Variants in ARSI observed in about 807,000 individuals in gnomAD.
The protein encoded by ARSI is arylsulfatase I.
Under a neutral mutation model 42.1 loss-of-function variants are expected in ARSI, and 37 were observed. That is an observed-to-expected ratio of 0.88 (90% CI 0.68 to 1.16). The LOEUF is 1.16. Among genes scored for constraint, ARSI ranks in the 50% most tolerant of loss-of-function variants. ARSI has a pLI of 0.00. For synonymous variants in ARSI, 305 were observed against 320.3 expected, an observed-to-expected ratio of 0.95 and a Z score of 0.51; for missense variants, 725 against 790.1, an observed-to-expected ratio of 0.92 and a Z score of 0.99.
At position 150,296,990 on chromosome 5, in the gene ARSI, G is replaced by T. The variant is rs923024480; in HGVS notation, c.*224C>A. The T allele has an allele frequency of 2.4e-5, 11 of 457,840 alleles. No homozygotes were observed. Among genetic ancestry groups the T allele is most frequent in the Non-Finnish European group, 4.2e-5 (11 of 263,702 alleles). 28.4% of individuals were successfully genotyped at this position (457,840 alleles called of 1,614,324 possible). Reference sequence around the variant, plus strand: ...CTAAAAGCTCATGTGGGTCACCTGAGGTCACAGAGCAAGTCCGTGAGGAGG... The same window carrying T: ...CTAAAAGCTCATGTGGGTCACCTGATGTCACAGAGCAAGTCCGTGAGGAGG... On this transcript the variant is annotated 3_prime_UTR_variant, in exon 2 of 2. Coordinates refer to ENST00000328668, the MANE Select transcript of ARSI (RefSeq NM_001012301.4).
chr5:150,298,659 A>C, intron 1 of ARSI, 47 bp from the exon 2 acceptor site: 1 of 1,539,078 alleles, frequency 6.5e-7, no homozygotes, highest in Non-Finnish European at 8.8e-7. Context: ...TAAGCTACAG[A>C]CCATTGCTCT....
chr5:150,302,300 G>T lies in ARSI; in HGVS notation c.74C>A (p.Pro25Gln). The T allele has an allele frequency of 6.2e-7, 1 of 1,601,294 alleles. No individual in the cohort carries two copies. Residue 25 changes from proline (P) to glutamine (Q), a missense_variant, in exon 1 of 2, where the codon CCG (proline) becomes CAG (glutamine). By Grantham distance (76) the Pro-to-Gln change is moderately conservative. Transcript: ENST00000328668. This position sits in a 1 kb window ranked among gnomAD's most constrained non-coding sequence, Gnocchi z 6.1. ...CCCGGGCCCGTCGGCCACGAAGCTC[G>T]GCTTGGCCCAGTCCCAGGACAGGTA... is the stretch of plus-strand genomic sequence containing the variant. ...FGYLSWDWAK[P>Q]SFVADGPGEA...
At position 150,298,238 on chromosome 5, in the gene ARSI, A is replaced by T. The variant is rs1451139528; in HGVS notation, c.686T>A (p.Leu229His). Residue 229 changes from leucine (L) to histidine (H), a missense_variant, in exon 2 of 2, where the codon CTC becomes CAC. Transcript: ENST00000328668. ...TGCCTGGAAGGCCACATAGAGGAAG[A>T]GGGGACGCTGAGGGCTGTGGCTGGC... ...ILASHSPQRP[L>H]FLYVAFQAVH... 6.2e-7 allele frequency: 1 copy of T among 1,614,134 alleles called. No homozygotes were observed.
In ARSI at chr5:150,298,164, T is replaced by C. The variant is rs765851189; in HGVS notation, c.760A>G (p.Thr254Ala). 1.2e-6 allele frequency: 2 copies of C among 1,613,986 alleles called. No homozygotes were observed. The highest frequency in any genetic ancestry group is 1.7e-6 in the Non-Finnish European group (2 of 1,180,034). Residue 254 changes from threonine to alanine, a missense_variant, in exon 2 of 2, where the codon ACC becomes GCC. Physicochemically the swap from Thr to Ala is moderately conservative, Grantham distance 58. Coordinates refer to ENST00000328668, the MANE Select transcript of ARSI (RefSeq NM_001012301.4). Reference protein sequence around the residue: ...SPREYLYRYRTMGNVARRKYA... With the variant: ...SPREYLYRYRAMGNVARRKYA... ...TTCCGCCGGGCCACATTGCCCATGG[T>C]GCGGTAGCGGTACAGGTACTCACGA...
In ARSI at chr5:150,302,661, A is replaced by C. The variant is rs1371148201; in HGVS notation, c.-288T>G. On this transcript the variant is annotated 5_prime_UTR_variant, in exon 1 of 2. Transcript: ENST00000328668. The surrounding 1 kb of genome is among the most constrained non-coding windows in gnomAD (Gnocchi z 6.1). ...CCCTCTTCCCCAGCTCAGCCCGGCC[A>C]GCCTGAGACGCGGCGTGGCAGCTTC... is the stretch of plus-strand genomic sequence containing the variant. 4 of 313,188 alleles carry C rather than the reference A, an allele frequency of 1.3e-5. No individual in the cohort carries two copies. In the East Asian group the frequency reaches 1.5e-4, roughly 12 times the overall value. 19.4% of individuals were successfully genotyped at this position (313,188 alleles called of 1,614,324 possible).
At chr5:150,299,349 A>G (rs1432011900) in intron 1 of ARSI, among the ~76,000 whole-genome samples, 1 of 152,142 alleles carries the variant, frequency 6.6e-6, no homozygotes, top group African/African-American at 2.4e-5. Context: ...AGTACACACC[A>G]TCGTTTTCTT....
chr5:150,298,303 G>GT lies in ARSI; in HGVS notation c.620dup (p.Tyr207Ter). Reference protein sequence around the residue: ...ENVAWGLSGQYSTMLYAQRAS... With the variant: ...ENVAWGLSGQ ...CGCGCTGGGCATAAAGCATAGTGGA[G>GT]TACTGGCCGCTGAGCCCCCAGGCCA... is the stretch of plus-strand genomic sequence containing the variant. The change falls in exon 2 of 2, where the codon TAC becomes TAAC. Residue 207 changes from tyrosine (Y) to a stop codon, truncating the protein, a stop_gained and frameshift_variant. Transcript: ENST00000328668. LOFTEE classifies it high-confidence loss of function. The GT allele has an allele frequency of 1.2e-6, 2 of 1,613,500 alleles. No homozygotes were observed. Among genetic ancestry groups the GT allele is most frequent in the Non-Finnish European group, 1.7e-6 (2 of 1,179,806 alleles).
chr5:150,297,171 G>C lies in ARSI; in HGVS notation c.*43C>G, dbSNP rs1285339144. 1 of 1,526,534 alleles carries C rather than the reference G, an allele frequency of 6.6e-7. No homozygotes were observed. Among genetic ancestry groups the C allele is most frequent in the Non-Finnish European group, 8.8e-7 (1 of 1,137,788 alleles). 94.6% of individuals were successfully genotyped at this position (1,526,534 alleles called of 1,614,324 possible). A position where few individuals can be genotyped will look rare whatever the true frequency, so the allele number is the denominator to read the frequency against. ...TGAGAAACAGCAGGGCCAAGCCGGAGTGGGGAAGATCCTCTAAAGGACAGT... is the reference window on the plus strand; with the variant it reads ...TGAGAAACAGCAGGGCCAAGCCGGACTGGGGAAGATCCTCTAAAGGACAGT... On this transcript the variant is annotated 3_prime_UTR_variant, in exon 2 of 2. Transcript: ENST00000328668. This position sits in a 1 kb window ranked among gnomAD's most constrained non-coding sequence, Gnocchi z 7.0.
Position 150,297,577 on chromosome 5 carries a change from C to A in ARSI, c.1347G>T (p.Trp449Cys). The A allele has an allele frequency of 6.2e-7, 1 of 1,610,864 alleles. No individual in the cohort carries two copies. Among genetic ancestry groups the A allele is most frequent in the Non-Finnish European group, 8.5e-7 (1 of 1,178,768 alleles). Residue 449 changes from tryptophan to cysteine, a missense_variant, in exon 2 of 2, where the codon TGG becomes TGT. Physicochemically the swap from Trp to Cys is radical, Grantham distance 215. Transcript: ENST00000328668. The surrounding 1 kb of genome is among the most constrained non-coding windows in gnomAD (Gnocchi z 7.0). ...PQTLATFPGS[W>C]WNLERMASVR... Reference sequence around the variant, plus strand: ...CACTGGCCATTCGTTCCAGGTTCCACCAGCTACCCGGGAAGGTGGCCAGTG... The same window carrying A: ...CACTGGCCATTCGTTCCAGGTTCCAACAGCTACCCGGGAAGGTGGCCAGTG...
Position 150,297,134 on chromosome 5 carries a change from C to G in ARSI, c.*80G>C. ...CAACTCCCTGTAGATGGAGATGTGA[C>G]AGGCTTCTCCCTGAGAAACAGCAGG... On this transcript the variant is annotated 3_prime_UTR_variant, in exon 2 of 2. Coordinates refer to ENST00000328668, the MANE Select transcript of ARSI (RefSeq NM_001012301.4). The surrounding 1 kb of genome is among the most constrained non-coding windows in gnomAD (Gnocchi z 7.0). 1 of 1,437,708 alleles carries G rather than the reference C, an allele frequency of 7.0e-7. No individual in the cohort carries two copies. The highest frequency in any genetic ancestry group is 9.4e-7 in the Non-Finnish European group (1 of 1,061,714). 89.1% of individuals were successfully genotyped at this position (1,437,708 alleles called of 1,614,324 possible).
chr5:150,302,531 C>T lies in ARSI; in HGVS notation c.-158G>A, dbSNP rs1757940480. 4 of 515,714 alleles carry T rather than the reference C, an allele frequency of 7.8e-6. No individual in the cohort carries two copies. The highest frequency in any genetic ancestry group is 1.2e-5 in the Non-Finnish European group (4 of 328,570). The allele number at this position is 515,714 out of a possible 1,614,324, so 31.9% of individuals were successfully genotyped here. Reference sequence around the variant, plus strand: ...GTCTGGTCCGGGACTGGCTGCCGGACGGCTGGGCCGGATCTGCTCGGCCGC... The same window carrying T: ...GTCTGGTCCGGGACTGGCTGCCGGATGGCTGGGCCGGATCTGCTCGGCCGC... On this transcript the variant is annotated 5_prime_UTR_variant, in exon 1 of 2. Transcript: ENST00000328668. This position sits in a 1 kb window ranked among gnomAD's most constrained non-coding sequence, Gnocchi z 6.1.
Position 150,297,212 on chromosome 5 carries a change from C to T in ARSI, c.*2G>A. 1.3e-6 allele frequency: 2 copies of T among 1,553,610 alleles called. No individual in the cohort carries two copies. The highest frequency in any genetic ancestry group is 1.3e-5 in the South Asian group (1 of 79,616). ...AAAGGACAGTTTTCTCCCTCCCCAC[C>T]ATCAGATCCGTTGGGACATTAGCCT... On this transcript the variant is annotated 3_prime_UTR_variant, in exon 2 of 2. Transcript: ENST00000328668. This position sits in a 1 kb window ranked among gnomAD's most constrained non-coding sequence, Gnocchi z 7.0.
intron 1 of ARSI, among the ~76,000 whole-genome samples, chr5:150,300,830 TC>T (rs1757907592): frequency 6.6e-6 from 1 of 152,168 alleles, no homozygotes; most frequent in Admixed American, 6.5e-5. Flanking sequence ...TGTGTATAAC[TC>T]TTGGGAATGC....
chr5:150,299,782 C>T (rs1438154133), intron 1 of ARSI, among the ~76,000 whole-genome samples: 2 of 152,086 alleles, frequency 1.3e-5, no homozygotes, highest in East Asian at 3.9e-4. Context: ...CTCTAAGACT[C>T]GTCTAGTTTC....
chr5:150,301,937 A>C (rs1442878285), intron 1 of ARSI, 126 bp downstream of exon 1: 1 of 1,029,050 alleles, frequency 9.7e-7, no homozygotes, highest in East Asian at 2.6e-5. Context: ...GGGACTTACT[A>C]ATGATTACAC....
chr5:150,298,660 C>A, intron 1 of ARSI, 48 bp from the exon 2 acceptor site: 1 of 1,537,622 alleles, frequency 6.5e-7, no homozygotes. Flanking sequence ...AAGCTACAGA[C>A]CATTGCTCTG....
rs185424900 is a variant in ARSI, at chr5:150,298,356, C to T, written c.568G>A (p.Gly190Ser). 1.1e-5 allele frequency: 17 copies of T among 1,614,132 alleles called. No individual in the cohort carries two copies. The East Asian group carries it at 1.8e-4, about 17-fold the overall frequency. ...TTCTCACCCTCGTGCAGGTCGAAGCCGCACACGCCTGGGCCATCACAGTTG... is the reference window on the plus strand; with the variant it reads ...TTCTCACCCTCGTGCAGGTCGAAGCTGCACACGCCTGGGCCATCACAGTTG... ...YDNCDGPGVC[G>S]FDLHEGENVA... The change falls in exon 2 of 2, where the codon GGC (glycine) becomes AGC (serine). Residue 190 changes from glycine to serine, a missense_variant. By Grantham distance (56) the Gly-to-Ser change is moderately conservative. Transcript: ENST00000328668.
At position 150,302,067 on chromosome 5, in the gene ARSI, C is replaced by T. The variant is rs1042963929; in HGVS notation, c.307G>A (p.Gly103Ser). ...GGGGCCTTGAGCCACGCCTACCTGC[C>T]AGTGAGGAGCTGGCTCCGCGAAGGC... The part of the protein sequence containing the change: ...CTPSRSQLLT[G>S]RYQIHTGLQH... The change falls in exon 1 of 2, where the codon GGC becomes AGC. Residue 103 changes from glycine (G) to serine (S), a missense_variant. Gly to Ser is a moderately conservative substitution (Grantham distance 56). Transcript: ENST00000328668. The surrounding 1 kb of genome is among the most constrained non-coding windows in gnomAD (Gnocchi z 6.1). The T allele has an allele frequency of 6.3e-7, 1 of 1,583,016 alleles. No homozygotes were observed. The highest frequency in any genetic ancestry group is 8.6e-7 in the Non-Finnish European group (1 of 1,163,916).
In ARSI at chr5:150,302,172, C is replaced by G; in HGVS notation, c.202G>C (p.Asp68His). 1 of 1,614,032 alleles carries G rather than the reference C, an allele frequency of 6.2e-7. No individual in the cohort carries two copies. The highest frequency in any genetic ancestry group is 8.5e-7 in the Non-Finnish European group (1 of 1,180,014). The change falls in exon 1 of 2, where the codon GAT becomes CAT. Residue 68 changes from aspartate (D) to histidine (H), a missense_variant. Asp to His is a moderately conservative substitution (Grantham distance 81, BLOSUM62 -1). Coordinates refer to ENST00000328668, the MANE Select transcript of ARSI (RefSeq NM_001012301.4). The surrounding 1 kb of genome is among the most constrained non-coding windows in gnomAD (Gnocchi z 6.1). Reference protein sequence around the residue: ...GYHDVGYHGSDIETPTLDRLA... With the variant: ...GYHDVGYHGSHIETPTLDRLA... ...CTGTCCAGCGTAGGGGTCTCGATAT[C>G]TGAACCATGGTAGCCCACGTCGTGG... is the stretch of plus-strand genomic sequence containing the variant.
Sources: gnomAD v4.1 joint callset for allele counts (sites outside exome capture counted in the v4.1 genomes callset) on GRCh38, gnomAD v4.1.1 for gene constraint, Gnocchi (gnomAD v3.1) non-coding constraint, MANE v1.5 for transcripts, NCBI Gene and HGNC (gene_info 2026-07-23, HGNC 2026-07-21) for gene names.